CTDSPL2: variants seen among roughly 807,000 people sequenced by gnomAD.
CTDSPL2 encodes the protein CTD small phosphatase-like protein 2.
CTDSPL2 carries 5 observed loss-of-function variants against 60.0 expected under a neutral mutation model. That is an observed-to-expected ratio of 0.08 (90% CI 0.04 to 0.18). CTDSPL2 has a LOEUF of 0.18. Ranked by LOEUF, CTDSPL2 falls within the 10% of genes least tolerant of loss-of-function variation. The pLI is 1.00. For synonymous variants in CTDSPL2, 186 were observed against 189.3 expected, an observed-to-expected ratio of 0.98 and a Z score of 0.14; for missense variants, 370 against 548.8, an observed-to-expected ratio of 0.67 and a Z score of 3.26.
At chr15:44,517,082 C>T (rs772721445) in intron 10 of CTDSPL2, among the ~76,000 whole-genome samples, 6 of 151,480 alleles carry the variant, frequency 4.0e-5, no homozygotes, top group Admixed American at 3.9e-4. Flanking sequence ...TCGTGATCCG[C>T]CCACGTTGGC....
At chr15:44,509,300 C>G (rs1048220834) in intron 8 of CTDSPL2, among the ~76,000 whole-genome samples, 1 of 151,984 alleles carries the variant, frequency 6.6e-6, no homozygotes, top group Non-Finnish European at 1.5e-5. Context: ...CTTCGCTGTT[C>G]CAGTGATTCT....
chr15:44,517,132 C>T (rs917062313), intron 10 of CTDSPL2: 4 of 151,598 alleles, frequency 2.6e-5, no homozygotes, highest in Admixed American at 6.6e-5. Flanking sequence ...GCCACCGCGC[C>T]TGGCCAACAA....
intron 2 of CTDSPL2, among the ~76,000 whole-genome samples, chr15:44,463,817 T>G (rs2080626356): frequency 1.3e-5 from 2 of 152,216 alleles, no homozygotes; most frequent in Non-Finnish European, 1.5e-5. Flanking sequence ...TGTCATTGTC[T>G]TTTTCAAAAT....
In CTDSPL2 at chr15:44,506,025, CTT is replaced by C. The variant is rs753896129; in HGVS notation, c.969+6233_969+6234del. 3.4e-3 allele frequency among the ~76,000 whole-genome samples: 404 copies of C among 117,534 alleles called. 1 individual carries two copies. Among genetic ancestry groups the C allele is most frequent in the African/African-American group, 0.012 (374 of 32,012 alleles). 77.1% of individuals were successfully genotyped at this position (117,534 alleles called of 152,430 possible). A position where few individuals can be genotyped will look rare whatever the true frequency, so the allele number is the denominator to read the frequency against. On this transcript the variant is annotated intron_variant, in intron 8 of 12. Coordinates refer to ENST00000260327, the MANE Select transcript of CTDSPL2 (RefSeq NM_016396.3). ...GATGAAAATTATGCTTCATTGGTAA[CTT>C]TTTTTTTTTTTTTTTTTTTTGAGAC...
At chr15:44,499,448 C>A (rs2081353446) in intron 7 of CTDSPL2, among the ~76,000 whole-genome samples, 1 of 152,058 alleles carries the variant, frequency 6.6e-6, no homozygotes, top group African/African-American at 2.4e-5. Flanking sequence ...CCATCCCCTC[C>A]CCTGAGTTTC....
intron 2 of CTDSPL2, 41 bp downstream of exon 2, chr15:44,459,241 A>G (rs2080511750): frequency 4.7e-6 from 7 of 1,489,030 alleles, no homozygotes; most frequent in Non-Finnish European, 6.3e-6. Context: ...TTAAAAGTGA[A>G]AATTGGCCGG....
chr15:44,506,274 C>G (rs138158414), intron 8 of CTDSPL2, among the ~76,000 whole-genome samples: 1 of 151,860 alleles, frequency 6.6e-6, no homozygotes, highest in Non-Finnish European at 1.5e-5. Context: ...AAGTGATCTG[C>G]CCACCTCGGC....
chr15:44,456,187 A>T (rs1413544009), intron 1 of CTDSPL2, among the ~76,000 whole-genome samples: 2 of 152,108 alleles, frequency 1.3e-5, no homozygotes, highest in Non-Finnish European at 2.9e-5. Context: ...CATCAAGGAT[A>T]TTGGTCTAAA....
At chr15:44,445,476 C>T (rs1370454582) in intron 1 of CTDSPL2, among the ~76,000 whole-genome samples, 2 of 152,074 alleles carry the variant, frequency 1.3e-5, no homozygotes, top group Non-Finnish European at 2.9e-5. Context: ...AGGTGTGAGC[C>T]ACTGTACCTG....
At chr15:44,439,224 C>T (rs1399311468) in intron 1 of CTDSPL2, among the ~76,000 whole-genome samples, 1 of 151,978 alleles carries the variant, frequency 6.6e-6, no homozygotes, top group Non-Finnish European at 1.5e-5. Context: ...TCTCGTCTCA[C>T]TACAACCTCT....
chr15:44,523,277 A>G (rs1249155999), intron 12 of CTDSPL2, among the ~76,000 whole-genome samples: 1 of 152,118 alleles, frequency 6.6e-6, no homozygotes, highest in Non-Finnish European at 1.5e-5. Flanking sequence ...GATTATAGGC[A>G]TGAGCCACTG....
Position 44,459,073 on chromosome 15 carries a change from C to T in CTDSPL2, c.59C>T (p.Thr20Ile). ...TCAAATCAAATCCAAACACAACGCA[C>T]TGCCAGAGCAAAGAGGAAATATTCA... ...QQSNQIQTQR[T>I]ARAKRKYSEV... The change falls in exon 2 of 13, where the codon ACT becomes ATT. Residue 20 changes from threonine to isoleucine, a missense_variant. By Grantham distance (89) the Thr-to-Ile change is moderately conservative (BLOSUM62 -1). Coordinates refer to ENST00000260327, the MANE Select transcript of CTDSPL2 (RefSeq NM_016396.3). 2.5e-6 allele frequency: 4 copies of T among 1,612,172 alleles called. No homozygotes were observed. Among genetic ancestry groups the T allele is most frequent in the Non-Finnish European group, 3.4e-6 (4 of 1,179,018 alleles).
intron 4 of CTDSPL2, among the ~76,000 whole-genome samples, chr15:44,488,109 C>CA (rs554716828): frequency 0.029 from 2,649 of 89,936 alleles, 74 homozygotes; most frequent in East Asian, 0.12. Context: ...GACTCCGTCT[C>CA]AAAAAAAAAA....
intron 10 of CTDSPL2, among the ~76,000 whole-genome samples, chr15:44,515,490 AG>A (rs1270060072): frequency 6.6e-6 from 1 of 152,186 alleles, no homozygotes; most frequent in African/African-American, 2.4e-5. Flanking sequence ...GTAAGACTGC[AG>A]CAGTCTTGCT....
At chr15:44,519,394 C>A in intron 11 of CTDSPL2, 99 bp downstream of exon 11, 1 of 1,039,878 alleles carries the variant, frequency 9.6e-7, no homozygotes, top group South Asian at 1.8e-5. Context: ...AGAGAATTTT[C>A]ACTGGTGGAA....
chr15:44,497,357 C>T (rs1045289842), intron 7 of CTDSPL2, among the ~76,000 whole-genome samples: 32 of 152,044 alleles, frequency 2.1e-4, no homozygotes, highest in Admixed American at 2.0e-3. Flanking sequence ...TATTAATAGT[C>T]TCAAAAGCAC....
intron 7 of CTDSPL2, among the ~76,000 whole-genome samples, chr15:44,498,529 T>G (rs761386750): frequency 6.6e-6 from 1 of 152,136 alleles, no homozygotes; most frequent in Admixed American, 6.5e-5. Flanking sequence ...GAGGCGGCAG[T>G]GAGCTACAAT....
chr15:44,459,074 T>C lies in CTDSPL2; in HGVS notation c.60T>C (p.Thr20=), dbSNP rs2080507476. The change falls in exon 2 of 13, where the codon ACT becomes ACC. Residue 20 remains threonine (T), a synonymous_variant. Transcript: ENST00000260327. The part of the protein sequence containing the change: ...QQSNQIQTQR[T]ARAKRKYSEV... ...CAAATCAAATCCAAACACAACGCACTGCCAGAGCAAAGAGGAAATATTCAG... is the reference window on the plus strand; with the variant it reads ...CAAATCAAATCCAAACACAACGCACCGCCAGAGCAAAGAGGAAATATTCAG... 6.2e-7 allele frequency: 1 copy of C among 1,612,390 alleles called. No homozygotes were observed. Among genetic ancestry groups the C allele is most frequent in the Non-Finnish European group, 8.5e-7 (1 of 1,179,110 alleles).
chr15:44,473,517 G>T (rs909698394), intron 2 of CTDSPL2, among the ~76,000 whole-genome samples: 6 of 151,210 alleles, frequency 4.0e-5, no homozygotes, highest in Admixed American at 6.6e-5. Flanking sequence ...GAATGGTCTC[G>T]ATCTCCTGAC....
Sources: gnomAD v4.1 joint callset for allele counts (sites outside exome capture counted in the v4.1 genomes callset) on GRCh38, gnomAD v4.1.1 for gene constraint, MANE v1.5 for transcripts, NCBI Gene and HGNC (gene_info 2026-07-23, HGNC 2026-07-21) for gene names.